Variants in GLG1 observed in about 807,000 individuals in gnomAD.
The protein encoded by GLG1 is Golgi apparatus protein 1.
A neutral mutation model predicts 160.5 loss-of-function variants in GLG1; 38 were observed. The observed-to-expected ratio is 0.24, with a 90% confidence interval of 0.18 to 0.31. The LOEUF (loss-of-function observed/expected upper bound fraction) is 0.31, where lower values mean the gene tolerates loss of function less well. Ranked by LOEUF, GLG1 falls within the 10% of genes least tolerant of loss-of-function variation. GLG1 has a pLI of 1.00. For missense variants in GLG1, 1,373 were observed against 1,505.2 expected (o/e 0.91, Z 1.45); for synonymous variants, 644 against 543.4 (o/e 1.19, Z -2.57).
At chr16:74,519,079 C>G (rs997671107) in intron 2 of GLG1, among the ~76,000 whole-genome samples, 9 of 152,116 alleles carry the variant, frequency 5.9e-5, no homozygotes, top group Non-Finnish European at 1.0e-4. Flanking sequence ...AGACTTGGAA[C>G]CAACCCAAAT....
At chr16:74,507,071 A>T (rs895778289) in intron 3 of GLG1, among the ~76,000 whole-genome samples, 4 of 152,202 alleles carry the variant, frequency 2.6e-5, no homozygotes, top group African/African-American at 9.7e-5. Context: ...TGGAAGTAGG[A>T]TTCCAAAATT....
intron 3 of GLG1, 98 bp downstream of exon 3, chr16:74,508,741 G>A: frequency 6.3e-6 from 4 of 636,034 alleles, no homozygotes; most frequent in South Asian, 5.7e-5. Context: ...TGAATTCTAA[G>A]AAAAGTAATG....
intron 16 of GLG1, chr16:74,469,493 A>G (rs955584816): frequency 2.1e-5 from 4 of 190,096 alleles, no homozygotes; most frequent in African/African-American, 9.3e-5. Flanking sequence ...GGTCCTTTCA[A>G]AGAGCAACAT....
intron 1 of GLG1, among the ~76,000 whole-genome samples, chr16:74,581,435 G>A (rs1049680601): frequency 6.6e-5 from 10 of 150,650 alleles, no homozygotes; most frequent in African/African-American, 2.2e-4. Context: ...AATACCTAGA[G>A]TAGTCAAATT....
intron 1 of GLG1, among the ~76,000 whole-genome samples, chr16:74,596,305 G>A (rs1342813581): frequency 2.0e-5 from 3 of 152,090 alleles, no homozygotes; most frequent in South Asian, 2.1e-4. Flanking sequence ...AAGGCAGGTG[G>A]ATCACCTGAG....
intron 25 of GLG1, among the ~76,000 whole-genome samples, chr16:74,455,091 T>A (rs537374488): frequency 2.6e-5 from 4 of 152,286 alleles, no homozygotes; most frequent in African/African-American, 9.6e-5. Flanking sequence ...AGAATATATT[T>A]AACCGCCCTC....
At chr16:74,477,621 C>A in intron 11 of GLG1, 88 bp from the exon 12 acceptor site, 2 of 905,318 alleles carry the variant, frequency 2.2e-6, no homozygotes, top group South Asian at 1.6e-5. Flanking sequence ...AGGAAACTAA[C>A]AAATAACCCT....
chr16:74,475,420 C>A (rs1482123631), intron 12 of GLG1, among the ~76,000 whole-genome samples: 1 of 152,166 alleles, frequency 6.6e-6, no homozygotes, highest in Non-Finnish European at 1.5e-5. Flanking sequence ...AACCAGGGGT[C>A]TGGAACACAG....
intron 2 of GLG1, among the ~76,000 whole-genome samples, chr16:74,530,435 T>G (rs1266167537): frequency 1.3e-5 from 2 of 152,184 alleles, no homozygotes; most frequent in South Asian, 2.1e-4. Flanking sequence ...TAGTCACTGT[T>G]GCAGTTACTC....
At chr16:74,530,011 G>A (rs1230654898) in intron 2 of GLG1, among the ~76,000 whole-genome samples, 1 of 151,658 alleles carries the variant, frequency 6.6e-6, no homozygotes, top group Non-Finnish European at 1.5e-5. Context: ...GTTTCACTAT[G>A]TTGGCCAGGC....
intron 1 of GLG1, among the ~76,000 whole-genome samples, chr16:74,583,369 A>G (rs1370241887): frequency 6.6e-6 from 1 of 152,156 alleles, no homozygotes; most frequent in Non-Finnish European, 1.5e-5. Flanking sequence ...GTAGTGTAAC[A>G]GTTAAACTTT....
intron 2 of GLG1, among the ~76,000 whole-genome samples, chr16:74,515,034 C>T (rs1239908394): frequency 6.6e-6 from 1 of 151,620 alleles, no homozygotes. Context: ...CAACAAAGAT[C>T]AAAAGAGACA....
chr16:74,510,513 T>C (rs192509921), intron 2 of GLG1, among the ~76,000 whole-genome samples: 3 of 152,308 alleles, frequency 2.0e-5, no homozygotes, highest in African/African-American at 4.8e-5. Context: ...GTTGGTGAGA[T>C]AGAGCAGAGA....
rs368131569 is a variant in GLG1 at position 74,543,169 on chromosome 16, T to C, written c.439-11016A>G. On this transcript the variant is annotated intron_variant, in intron 1 of 25. Transcript: ENST00000422840. The stretch of plus-strand genomic sequence containing the variant: ...TAACCCAGTGCAAATTACTGGTGCT[T>C]CTGAAGAGTACAGCTTGGATTCAGG... Among the ~76,000 whole-genome samples, 156 of 152,254 alleles carry C rather than the reference T, an allele frequency of 1.0e-3. 1 individual carries two copies. In the South Asian group the frequency reaches 0.013, roughly 13 times the overall value.
intron 1 of GLG1, among the ~76,000 whole-genome samples, chr16:74,565,526 C>T (rs928847337): frequency 2.0e-5 from 3 of 152,244 alleles, no homozygotes; most frequent in Non-Finnish European, 2.9e-5. Flanking sequence ...CCGCCAATCA[C>T]AGCAGCCATA....
At chr16:74,603,622 G>C (rs541672580) in intron 1 of GLG1, among the ~76,000 whole-genome samples, 10 of 150,986 alleles carry the variant, frequency 6.6e-5, no homozygotes, top group African/African-American at 2.2e-4. Flanking sequence ...CTGAAACTTC[G>C]AAATACAAGA....
chr16:74,605,795 T>A (rs1958552276), intron 1 of GLG1, among the ~76,000 whole-genome samples: 1 of 152,168 alleles, frequency 6.6e-6, no homozygotes, highest in African/African-American at 2.4e-5. Context: ...TTGTCCACCT[T>A]TAGGGCTAAT....
At chr16:74,469,144 C>A in intron 16 of GLG1, 81 bp from the exon 17 acceptor site, 1 of 857,786 alleles carries the variant, frequency 1.2e-6, no homozygotes, top group South Asian at 1.4e-5. Context: ...GGGGGTCACA[C>A]CATTAAGAAT....
Position 74,491,099 on chromosome 16 carries a change from G to A in GLG1, c.1351C>T (p.His451Tyr), listed in dbSNP as rs866792410. 6.2e-7 allele frequency: 1 copy of A among 1,613,946 alleles called. No homozygotes were observed. Among genetic ancestry groups the A allele is most frequent in the Admixed American group, 1.7e-5 (1 of 60,020 alleles). ...ILSCRGEIEH[H>Y]CSGLHRKGRT... ...CCTTTTCGATGTAATCCGGAACAAT[G>A]GTGTTCAATCTCCCCCCGACAGCTT... The change falls in exon 8 of 26, where the codon CAT (histidine) becomes TAT (tyrosine). Residue 451 changes from histidine (H) to tyrosine (Y), a missense_variant. Coordinates refer to ENST00000422840, the MANE Select transcript of GLG1 (RefSeq NM_001145667.2).
Sources: allele counts gnomAD v4.1 joint callset (sites outside exome capture counted in the v4.1 genomes callset), GRCh38; gene constraint gnomAD v4.1.1; transcripts MANE v1.5; gene names NCBI Gene and HGNC (gene_info 2026-07-23, HGNC 2026-07-21).